The following MREG variants were observed in gnomAD, a reference collection of about 807,000 sequenced individuals.
MREG encodes dilute suppressor protein homolog.
A neutral mutation model predicts 28.5 loss-of-function variants in MREG; 31 were observed. The observed-to-expected ratio is 1.09, with a 90% confidence interval of 0.82 to 1.47. The LOEUF (loss-of-function observed/expected upper bound fraction) is 1.47. MREG is among the 40% of genes most tolerant of loss of function. MREG has a pLI of 0.00. For synonymous variants in MREG, 106 were observed against 95.2 expected, an observed-to-expected ratio of 1.11 and a Z score of -0.66; for missense variants, 256 against 257.4, an observed-to-expected ratio of 0.99 and a Z score of 0.04.
intron 2 of MREG, among the ~76,000 whole-genome samples, chr2:215,961,748 G>A (rs6706748): frequency 6.6e-6 from 1 of 152,006 alleles, no homozygotes; most frequent in African/African-American, 2.4e-5. Context: ...TTGACCCAGA[G>A]CTATCTACTT....
At chr2:215,949,068 ACTACTACTAC>A (rs1559173456) in intron 2 of MREG, among the ~76,000 whole-genome samples, 31 of 140,596 alleles carry the variant, frequency 2.2e-4, no homozygotes, top group Non-Finnish European at 3.2e-4. Context: ...TACTACTACT[ACTACTACTAC>A]TACTACTACT....
chr2:215,966,648 C>CTGGAG (rs1446420309), intron 2 of MREG, among the ~76,000 whole-genome samples: 1 of 146,616 alleles, frequency 6.8e-6, no homozygotes, highest in African/African-American at 2.6e-5. Flanking sequence ...GTCATCCTGG[C>CTGGAG]TGGAGTGCAG....
chr2:216,015,346 G>A (rs1694430830), upstream of MREG, among the ~76,000 whole-genome samples: 1 of 152,070 alleles, frequency 6.6e-6, no homozygotes, highest in Non-Finnish European at 1.5e-5. Context: ...TATTTCAGGC[G>A]GAGTGAATAT....
chr2:216,018,461 G>A (rs534568645), upstream of MREG, among the ~76,000 whole-genome samples: 2 of 152,168 alleles, frequency 1.3e-5, no homozygotes, highest in Non-Finnish European at 2.9e-5. Context: ...ATAAACACAA[G>A]AAAACAGAAA....
intron 2 of MREG, among the ~76,000 whole-genome samples, chr2:215,959,913 A>C (rs1692731986): frequency 6.6e-6 from 1 of 151,860 alleles, no homozygotes; most frequent in African/African-American, 2.4e-5. Flanking sequence ...GAACTTCCTC[A>C]GTTCCTTTAC....
Position 215,944,869 on chromosome 2 carries a change from A to T in MREG, c.639T>A (p.Ser213Arg). 6.3e-7 allele frequency: 1 copy of T among 1,589,916 alleles called. No homozygotes were observed. Among genetic ancestry groups the T allele is most frequent in the Non-Finnish European group, 8.6e-7 (1 of 1,160,316 alleles). Residue 213 changes from serine (S) to arginine (R), a missense_variant, in exon 5 of 5, where the codon AGT becomes AGA. Ser to Arg is a moderately radical substitution (Grantham distance 110). Transcript: ENST00000263268. ...CTGCCCCTGAGCCTCTCCTTTAGGG[A>T]CTTGGAAACGGAAGGTAGTGCAGTT... Reference protein sequence around the residue: ...QKELHYLPFPSP With the variant: ...QKELHYLPFPRP
chr2:215,951,353 T>C (rs1442151019), intron 2 of MREG, among the ~76,000 whole-genome samples: 1 of 152,242 alleles, frequency 6.6e-6, no homozygotes, highest in Non-Finnish European at 1.5e-5. Flanking sequence ...AATTTTTAAA[T>C]TGTAATGATT....
intron 2 of MREG, among the ~76,000 whole-genome samples, chr2:215,950,798 A>T (rs1692461337): frequency 6.6e-6 from 1 of 152,086 alleles, no homozygotes; most frequent in Non-Finnish European, 1.5e-5. Flanking sequence ...TTGGATCTTG[A>T]TATGGTTTGG....
chr2:215,995,511 C>CCCCCCCCCCG (rs146414052), intron 2 of MREG, among the ~76,000 whole-genome samples: 22 of 136,168 alleles, frequency 1.6e-4, no homozygotes, highest in Non-Finnish European at 2.3e-4. Flanking sequence ...CCCACCCCAC[C>CCCCCCCCCCG]CCCCGCCACC....
At chr2:215,940,300 A>G (rs2105960662), downstream of MREG, among the ~76,000 whole-genome samples, 1 of 152,348 alleles carries the variant, frequency 6.6e-6, no homozygotes, top group African/African-American at 2.4e-5. Context: ...TCCTGTACGT[A>G]GTTGTGATTT....
At chr2:216,004,794 G>A (rs1046703906) in intron 1 of MREG, among the ~76,000 whole-genome samples, 4 of 152,066 alleles carry the variant, frequency 2.6e-5, no homozygotes, top group South Asian at 2.1e-4. Context: ...ATATGTTTAC[G>A]CCATGTGACA....
At chr2:216,027,209 T>C (rs1694609679) in intron 1 of MREG, among the ~76,000 whole-genome samples, 1 of 152,194 alleles carries the variant, frequency 6.6e-6, no homozygotes, top group Non-Finnish European at 1.5e-5. Context: ...TTTGCTGTAA[T>C]ACATTTGGTG....
At chr2:216,025,156 T>C (rs1384171598) in intron 1 of MREG, among the ~76,000 whole-genome samples, 2 of 152,228 alleles carry the variant, frequency 1.3e-5, no homozygotes, top group East Asian at 3.8e-4. Context: ...GTTTTCTCTA[T>C]GGCAACATAG....
rs1031568390 is a variant in MREG at position 215,943,584 on chromosome 2, G to A, written c.*1279C>T. On this transcript the variant is annotated 3_prime_UTR_variant, in exon 5 of 5. Coordinates refer to ENST00000263268, the MANE Select transcript of MREG (RefSeq NM_018000.3). The stretch of plus-strand genomic sequence containing the variant: ...TGGCCGGGCGCGGTGACTCACGCCT[G>A]TAATCCCAGCACTTTGGGAGGCTGG... 2 of 439,158 alleles carry A rather than the reference G, an allele frequency of 4.6e-6. No homozygotes were observed. The highest frequency in any genetic ancestry group is 4.0e-5 in the African/African-American group (2 of 49,654). The allele number at this position is 439,158 out of a possible 1,614,324, so 27.2% of individuals were successfully genotyped here.
upstream of MREG, among the ~76,000 whole-genome samples, chr2:216,017,391 C>A (rs952718855): frequency 1.3e-5 from 2 of 152,162 alleles, no homozygotes; most frequent in Non-Finnish European, 2.9e-5. Context: ...TGATAAATTA[C>A]AACTTTGATG....
intron 2 of MREG, among the ~76,000 whole-genome samples, chr2:215,966,166 G>A (rs1692933136): frequency 6.6e-6 from 1 of 152,162 alleles, no homozygotes; most frequent in African/African-American, 2.4e-5. Flanking sequence ...GGGTCCCAGG[G>A]AGACATCCTC....
intron 2 of MREG, among the ~76,000 whole-genome samples, chr2:215,968,814 G>T (rs1485522981): frequency 2.0e-5 from 3 of 152,308 alleles, no homozygotes; most frequent in African/African-American, 7.2e-5. Flanking sequence ...AGAGTACAGT[G>T]GTGCAATCAT....
chr2:215,993,955 C>G (rs1693788200), intron 2 of MREG, among the ~76,000 whole-genome samples: 1 of 152,126 alleles, frequency 6.6e-6, no homozygotes, highest in South Asian at 2.1e-4. Context: ...CACTTTTACA[C>G]TGTTGGTGGG....
chr2:215,963,191 G>A (rs951288580), intron 2 of MREG, among the ~76,000 whole-genome samples: 7 of 152,072 alleles, frequency 4.6e-5, no homozygotes, highest in African/African-American at 1.7e-4. Context: ...CAGGTGACGT[G>A]GCTTGCACCT....
Sources: allele counts gnomAD v4.1 joint callset (sites outside exome capture counted in the v4.1 genomes callset), GRCh38; gene constraint gnomAD v4.1.1; transcripts MANE v1.5; gene names NCBI Gene and HGNC (gene_info 2026-07-23, HGNC 2026-07-21).